Variants in DOP1A observed in about 807,000 individuals in gnomAD.
The protein encoded by DOP1A is DOP1 leucine zipper like protein A.
In DOP1A, 90 loss-of-function variants were observed where a neutral mutation model predicts 267.6. The ratio of observed to expected loss-of-function variants is 0.34; its 90% confidence interval spans 0.28 to 0.40. DOP1A has a LOEUF of 0.40. Among genes scored for constraint, DOP1A ranks in the 10% least tolerant of loss-of-function variants. The pLI is 1.00. For synonymous variants in DOP1A, 932 were observed against 999.1 expected (o/e 0.93, Z 1.27); for missense variants, 2,437 against 2,900.4 (o/e 0.84, Z 3.67).
At chr6:83,112,365 A>AAT (rs141547024) in intron 6 of DOP1A, among the ~76,000 whole-genome samples, 9,410 of 148,880 alleles carry the variant, frequency 0.063, 316 homozygotes, top group Admixed American at 0.1. Flanking sequence ...CAAAAATACA[A>AAT]ATATATATAT....
At chr6:83,077,208 A>G (rs1466297896) in intron 1 of DOP1A, among the ~76,000 whole-genome samples, 1 of 152,252 alleles carries the variant, frequency 6.6e-6, no homozygotes, top group Non-Finnish European at 1.5e-5. Flanking sequence ...AGTGGTTAAG[A>G]TGGTAAATTT....
rs1777046838 is a variant in DOP1A, at chr6:83,125,690, C to G, written c.1676C>G (p.Pro559Arg). Reference protein sequence around the residue: ...SASTGGVLQFPSGQNNSVKEW... With the variant: ...SASTGGVLQFRSGQNNSVKEW... Reference sequence around the variant, plus strand: ...AGCACTGGAGGTGTTTTGCAGTTTCCAAGTGGGCAGAACAATTCAGTCAAA... The same window carrying G: ...AGCACTGGAGGTGTTTTGCAGTTTCGAAGTGGGCAGAACAATTCAGTCAAA... The change falls in exon 15 of 39, where the codon CCA becomes CGA. Residue 559 changes from proline (P) to arginine (R), a missense_variant. By Grantham distance (103) the Pro-to-Arg change is moderately radical (BLOSUM62 -2). Transcript: ENST00000349129. The G allele has an allele frequency of 6.2e-7, 1 of 1,613,388 alleles. No individual in the cohort carries two copies. The highest frequency in any genetic ancestry group is 1.3e-5 in the African/African-American group (1 of 74,880).
intron 10 of DOP1A, 104 bp from the exon 11 acceptor site, chr6:83,121,826 A>C: frequency 5.0e-6 from 6 of 1,202,706 alleles, no homozygotes; most frequent in Non-Finnish European, 6.8e-6. Flanking sequence ...TACTATTTTA[A>C]AAATACTTGT....
chr6:83,164,593 G>A, intron 38 of DOP1A: 1 of 1,441,128 alleles, frequency 6.9e-7, no homozygotes, highest in Non-Finnish European at 9.5e-7. Context: ...CCTTAAACAA[G>A]GTCTTCATGG....
At chr6:83,125,446 T>C in intron 14 of DOP1A, 54 bp from the exon 15 acceptor site, 1 of 1,517,068 alleles carries the variant, frequency 6.6e-7, no homozygotes, top group Non-Finnish European at 9.1e-7. Flanking sequence ...TTAAAAAATG[T>C]AACTTTTGGG....
rs762176332 is a variant in DOP1A, at chr6:83,110,323, A to C, written c.681+9A>C. The C allele has an allele frequency of 1.2e-5, 20 of 1,610,388 alleles. No homozygotes were observed. The South Asian group carries it at 2.1e-4, about 17-fold the overall frequency. The stretch of plus-strand genomic sequence containing the variant: ...GTGATATTGAGCTAATGGTAGGTCT[A>C]AAAATATGGTTGCTCATTTCACAAA... On this transcript the variant is annotated intron_variant, in intron 6 of 38. Transcript: ENST00000349129.
intron 1 of DOP1A, among the ~76,000 whole-genome samples, chr6:83,072,082 T>A (rs566029852): frequency 6.6e-6 from 1 of 152,320 alleles, no homozygotes; most frequent in South Asian, 2.1e-4. Flanking sequence ...ATTTCTAGAC[T>A]TTTTCCTCCT....
At chr6:83,135,194 T>C (rs965589590) in intron 19 of DOP1A, among the ~76,000 whole-genome samples, 6 of 152,110 alleles carry the variant, frequency 3.9e-5, no homozygotes, top group Admixed American at 2.0e-4. Context: ...CCACAGATCT[T>C]TCCTTGAATT....
intron 26 of DOP1A, among the ~76,000 whole-genome samples, chr6:83,147,852 A>G (rs1780858225): frequency 6.6e-6 from 1 of 152,200 alleles, no homozygotes; most frequent in Non-Finnish European, 1.5e-5. Flanking sequence ...ACTTATATAC[A>G]GAGAGGTGTT....
intron 15 of DOP1A, among the ~76,000 whole-genome samples, chr6:83,128,276 A>G (rs1353759079): frequency 1.3e-5 from 2 of 152,184 alleles, no homozygotes; most frequent in Non-Finnish European, 2.9e-5. Flanking sequence ...GTAAAAGGCT[A>G]ATATACTCCA....
At chr6:83,108,055 T>C (rs1773935521) in intron 4 of DOP1A, among the ~76,000 whole-genome samples, 1 of 152,248 alleles carries the variant, frequency 6.6e-6, no homozygotes, top group South Asian at 2.1e-4. Context: ...GAGCAAGATA[T>C]GATAGCAGCT....
At chr6:83,085,774 GTATTT>G (rs1168878086) in intron 1 of DOP1A, among the ~76,000 whole-genome samples, 24 of 132,526 alleles carry the variant, frequency 1.8e-4, no homozygotes, top group Non-Finnish European at 2.7e-4. Flanking sequence ...GTTTTTTGCG[GTATTT>G]TATGTTATGT....
At chr6:83,090,088 T>C (rs984356355) in intron 1 of DOP1A, among the ~76,000 whole-genome samples, 11 of 152,212 alleles carry the variant, frequency 7.2e-5, no homozygotes, top group African/African-American at 2.7e-4. Context: ...CTACCCCTCT[T>C]AATTAACATA....
intron 1 of DOP1A, among the ~76,000 whole-genome samples, chr6:83,087,904 C>T (rs1769583268): frequency 6.6e-6 from 1 of 152,080 alleles, no homozygotes; most frequent in Admixed American, 6.6e-5. Flanking sequence ...TGAAGTCTTG[C>T]TTTGTTGCCC....
chr6:83,133,116 A>G (rs547768692), intron 18 of DOP1A, among the ~76,000 whole-genome samples: 1 of 152,300 alleles, frequency 6.6e-6, no homozygotes, highest in East Asian at 1.9e-4. Context: ...GAAAGGAATG[A>G]AAAGTTTATT....
At chr6:83,164,990 C>G in intron 38 of DOP1A, 1 of 356,082 alleles carries the variant, frequency 2.8e-6, no homozygotes, top group Non-Finnish European at 5.0e-6. Context: ...AATAAAAGTC[C>G]CTCTCTTAAA....
In DOP1A at chr6:83,116,894, A is replaced by G. The variant is rs556538302; in HGVS notation, c.781-1994A>G. ...TTCTCCTAGAAGCCCAACTTTTATT[A>G]TTTGTCACGATTAATGTTATTTTCC... is the stretch of plus-strand genomic sequence containing the variant. On this transcript the variant is annotated intron_variant, in intron 7 of 38. Transcript: ENST00000349129. 6.6e-5 allele frequency among the ~76,000 whole-genome samples: 10 copies of G among 152,246 alleles called. 1 individual carries two copies. The East Asian group carries it at 1.9e-3, about 29-fold the overall frequency.
At chr6:83,099,678 ATATGTGTGTG>A (rs1353793670) in intron 3 of DOP1A, among the ~76,000 whole-genome samples, 1 of 135,952 alleles carries the variant, frequency 7.4e-6, no homozygotes, top group Non-Finnish European at 1.6e-5. Flanking sequence ...CAAGGATTGC[ATATGTGTGTG>A]TGTGTGTGTG....
At chr6:83,068,057 C>T (rs1166580391) in intron 1 of DOP1A, among the ~76,000 whole-genome samples, 1 of 152,108 alleles carries the variant, frequency 6.6e-6, no homozygotes, top group Non-Finnish European at 1.5e-5. Context: ...GTGAGGGAGG[C>T]CGGAGGCGGG....
Sources: allele counts gnomAD v4.1 joint callset (sites outside exome capture counted in the v4.1 genomes callset), GRCh38; gene constraint gnomAD v4.1.1; transcripts MANE v1.5; gene names NCBI Gene and HGNC (gene_info 2026-07-23, HGNC 2026-07-21).